ARHGEF1: variants seen among roughly 807,000 people sequenced by gnomAD.
The protein encoded by ARHGEF1 is 115 kDa guanine nucleotide exchange factor.
Under a neutral mutation model 119.7 loss-of-function variants are expected in ARHGEF1, and 40 were observed. The observed-to-expected ratio is 0.33, with a 90% CI of 0.26 to 0.44. The LOEUF (loss-of-function observed/expected upper bound fraction) is 0.44, where lower values mean the gene tolerates loss of function less well. Ranked by LOEUF, ARHGEF1 falls within the 20% of genes least tolerant of loss-of-function variation. ARHGEF1 has a pLI of 1.00. For missense variants in ARHGEF1, 976 were observed against 1,268.3 expected (o/e 0.77, Z 3.50); for synonymous variants, 494 against 521.0 (o/e 0.95, Z 0.71).
chr19:41,911,956 A>G (rs1307026257), downstream of ARHGEF1, among the ~76,000 whole-genome samples: 13 of 151,736 alleles, frequency 8.6e-5, no homozygotes, highest in African/African-American at 3.2e-4. Context: ...CCCCCAACAC[A>G]GAGGCCCAGG....
upstream of ARHGEF1, among the ~76,000 whole-genome samples, chr19:41,920,359 G>C (rs1354477529): frequency 7.8e-6 from 1 of 128,396 alleles, no homozygotes; most frequent in Non-Finnish European, 1.6e-5. Flanking sequence ...CAGACGTGAC[G>C]CACAGACATG....
rs2074655319 is a variant in ARHGEF1, at chr19:41,904,336, G to A, written c.2114G>A (p.Arg705Gln). 1.2e-6 allele frequency: 2 copies of A among 1,602,004 alleles called. No individual in the cohort carries two copies. The highest frequency in any genetic ancestry group is 8.5e-7 in the Non-Finnish European group (1 of 1,176,300). ...ACGCCCGATGGCAAGACCATGCTGC[G>A]GCCCGTGCTGCGGCTCACCTCCGCC... ...TPTPDGKTML[R>Q]PVLRLTSAMT... The change falls in exon 22 of 29, where the codon CGG becomes CAG. Residue 705 changes from arginine (R) to glutamine (Q), a missense_variant. By Grantham distance (43) the Arg-to-Gln change is conservative (BLOSUM62 1). Transcript: ENST00000354532. This position sits in a 1 kb window ranked among gnomAD's most constrained non-coding sequence, Gnocchi z 8.4.
In ARHGEF1 at chr19:41,905,805, C is replaced by G. The variant is rs1555850055; in HGVS notation, c.2382C>G (p.Gly794=). The change falls in exon 25 of 29, where the codon GGC becomes GGG. Residue 794 remains glycine (G), a synonymous_variant. Coordinates refer to ENST00000354532, the MANE Select transcript of ARHGEF1 (RefSeq NM_004706.4). This position sits in a 1 kb window ranked among gnomAD's most constrained non-coding sequence, Gnocchi z 6.4. The part of the protein sequence containing the change: ...LLSSSENGNG[G]RETSPADART... ...GCAGCTCTGAGAACGGCAATGGTGG[C>G]CGAGAGACGTCTCCAGCTGATGGTG... 1.2e-6 allele frequency: 2 copies of G among 1,614,164 alleles called. No individual in the cohort carries two copies. The highest frequency in any genetic ancestry group is 1.7e-5 in the Admixed American group (1 of 60,020).
At chr19:41,884,374 G>C (rs1555844855) in intron 1 of ARHGEF1, 1 of 1,541,914 alleles carries the variant, frequency 6.5e-7, no homozygotes, top group Non-Finnish European at 8.8e-7. Flanking sequence ...GGAGCTGGGC[G>C]CAAAGGTGGA....
At chr19:41,926,449 T>C (rs1358561677) in intron 1 of ARHGEF1, among the ~76,000 whole-genome samples, 2 of 151,822 alleles carry the variant, frequency 1.3e-5, no homozygotes, top group Admixed American at 1.3e-4. Flanking sequence ...TAGACAGGTG[T>C]GAAAGGTTAG....
chr19:41,903,277 C>G lies in ARHGEF1; in HGVS notation c.1739-30C>G, dbSNP rs2074634901. On this transcript the variant is annotated intron_variant, in intron 18 of 28. Transcript: ENST00000354532. The surrounding 1 kb of genome is among the most constrained non-coding windows in gnomAD (Gnocchi z 4.2). Reference sequence around the variant, plus strand: ...ATCTGGAGCCTCCAGGGCAGGGGTTCACCAGAGCTGCTCTCTCCCTTGCCT... The same window carrying G: ...ATCTGGAGCCTCCAGGGCAGGGGTTGACCAGAGCTGCTCTCTCCCTTGCCT... 1 of 1,603,472 alleles carries G rather than the reference C, an allele frequency of 6.2e-7. No individual in the cohort carries two copies. The highest frequency in any genetic ancestry group is 1.7e-5 in the Admixed American group (1 of 59,866).
chr19:41,906,854 C>T lies in ARHGEF1; in HGVS notation c.*17+51C>T. On this transcript the variant is annotated intron_variant, in intron 28 of 28. Transcript: ENST00000354532. The surrounding 1 kb of genome is among the most constrained non-coding windows in gnomAD (Gnocchi z 4.5). ...GCGCTGTCCTGAAAGGAGGGTCCCC[C>T]TCCAGAGCTCGCATCCCTACAGCCC... 1.4e-6 allele frequency: 2 copies of T among 1,424,100 alleles called. No individual in the cohort carries two copies. The highest frequency in any genetic ancestry group is 1.9e-6 in the Non-Finnish European group (2 of 1,047,250). The allele number at this position is 1,424,100 out of a possible 1,614,324, so 88.2% of individuals were successfully genotyped here.
rs2074614684 is a variant in ARHGEF1, at chr19:41,902,172, GAC to G, written c.1415-98_1415-97del. The G allele has an allele frequency of 2.4e-5, 37 of 1,562,294 alleles. No homozygotes were observed. The highest frequency in any genetic ancestry group is 7.0e-6 in the Non-Finnish European group (8 of 1,141,738). On this transcript the variant is annotated intron_variant, in intron 15 of 28. Coordinates refer to ENST00000354532, the MANE Select transcript of ARHGEF1 (RefSeq NM_004706.4). The surrounding 1 kb of genome is among the most constrained non-coding windows in gnomAD (Gnocchi z 6.5). ...ATACGCCATCCGGTCCCGAGGATCAGACACAGACACACCTGCAGCCCTACCCC... is the reference window on the plus strand; with the variant it reads ...ATACGCCATCCGGTCCCGAGGATCAGACAGACACACCTGCAGCCCTACCCC...
upstream of ARHGEF1, among the ~76,000 whole-genome samples, chr19:41,918,498 T>C (rs572391203): frequency 1.0e-3 from 103 of 102,060 alleles, 2 homozygotes; most frequent in African/African-American, 3.8e-3. Context: ...CACACACACA[T>C]CACACACACA....
chr19:41,896,392 T>C lies in ARHGEF1; in HGVS notation c.1031T>C (p.Leu344Pro), dbSNP rs2074487855. The C allele has an allele frequency of 1.4e-6, 2 of 1,437,102 alleles. No individual in the cohort carries two copies. The highest frequency in any genetic ancestry group is 2.8e-5 in the Admixed American group (1 of 35,154). 89.0% of individuals were successfully genotyped at this position (1,437,102 alleles called of 1,614,324 possible). ...CACCCCACAGGTGCTGACGCCCCCC[T>C]GGAGCTGGGGGACTCATCCCCGCAG... ...PDREPGADAP[L>P]ELGDSSPQGP... Residue 344 changes from leucine (L) to proline (P), a missense_variant, in exon 13 of 29, where the codon CTG becomes CCG. Leu to Pro is a moderately conservative substitution (Grantham distance 98). Transcript: ENST00000354532.
In ARHGEF1 at chr19:41,894,326, G is replaced by A. The variant is rs782660388; in HGVS notation, c.744+20G>A. On this transcript the variant is annotated intron_variant, in intron 9 of 28. Transcript: ENST00000354532. Reference sequence around the variant, plus strand: ...AAAAAGGTGCTTCCCTCAGTGCCCCGTCCTGACCCTTTCCTCTCCAGAGAC... The same window carrying A: ...AAAAAGGTGCTTCCCTCAGTGCCCCATCCTGACCCTTTCCTCTCCAGAGAC... 7.2e-6 allele frequency: 11 copies of A among 1,529,002 alleles called. No homozygotes were observed. Among genetic ancestry groups the A allele is most frequent in the African/African-American group, 4.1e-5 (3 of 72,290 alleles). 94.7% of individuals were successfully genotyped at this position (1,529,002 alleles called of 1,614,324 possible).
rs199623203 is a variant in ARHGEF1 at position 41,892,714 on chromosome 19, A to G, written c.479A>G (p.Lys160Arg). The G allele has an allele frequency of 1.2e-5, 20 of 1,613,308 alleles. 1 individual carries two copies. The African/African-American group carries it at 2.4e-4, about 19-fold the overall frequency. The change falls in exon 7 of 29, where the codon AAG (lysine) becomes AGG (arginine). Residue 160 changes from lysine (K) to arginine (R), a missense_variant. This residue lies in a region of ARHGEF1 where 519 missense variants were observed against 580.9 expected (regional missense o/e 0.89). Transcript: ENST00000354532. This position sits in a 1 kb window ranked among gnomAD's most constrained non-coding sequence, Gnocchi z 6.3. ...VGRQLEDFRS[K>R]RLMGMTPWEQ... ...CGGCAGCTGGAGGACTTCCGTTCCA[A>G]GCGGCTCATGGGCATGACGCCCTGG... is the stretch of plus-strand genomic sequence containing the variant.
Position 41,888,668 on chromosome 19 carries a change from T to C in ARHGEF1, c.112-84T>C. ...AGGAGCTAACCCTGGCTTGGATCCC[T>C]TGTGAAGTGCCAGGAATGGGTAGGG... On this transcript the variant is annotated intron_variant, in intron 3 of 28. Transcript: ENST00000354532. The surrounding 1 kb of genome is among the most constrained non-coding windows in gnomAD (Gnocchi z 5.1). 1 of 1,341,750 alleles carries C rather than the reference T, an allele frequency of 7.5e-7. No individual in the cohort carries two copies. The highest frequency in any genetic ancestry group is 1.1e-6 in the Non-Finnish European group (1 of 946,288). 83.1% of individuals were successfully genotyped at this position (1,341,750 alleles called of 1,614,324 possible). A position where few individuals can be genotyped will look rare whatever the true frequency, so the allele number is the denominator to read the frequency against.
chr19:41,929,367 T>A (rs1360396515), intron 2 of ARHGEF1, among the ~76,000 whole-genome samples: 1 of 151,646 alleles, frequency 6.6e-6, no homozygotes, highest in Non-Finnish European at 1.5e-5. Flanking sequence ...TCCCACAAGG[T>A]CACAGGCACA....
At chr19:41,919,064 A>G (rs2074821739), upstream of ARHGEF1, among the ~76,000 whole-genome samples, 1 of 151,290 alleles carries the variant, frequency 6.6e-6, no homozygotes, top group African/African-American at 2.4e-5. Context: ...CACTGCATAC[A>G]CACACCCACA....
Position 41,917,052 on chromosome 19 carries a change from T to G in ARHGEF1, c.1866-6040T>G, listed in dbSNP as rs2074805874. On this transcript the variant is annotated intron_variant, in intron 18 of 20. Coordinates refer to the ARHGEF1 transcript ENST00000599589. This position sits in a 1 kb window ranked among gnomAD's most constrained non-coding sequence, Gnocchi z 4.8. ...CACATATGTGACACGTGCCCTTGTC[T>G]CAGACCTGCTTCTGTGACTGCCTCT... Among the ~76,000 whole-genome samples the G allele has an allele frequency of 6.6e-6, 1 of 152,180 alleles. No individual in the cohort carries two copies. Among genetic ancestry groups the G allele is most frequent in the South Asian group, 2.1e-4 (1 of 4,828 alleles).
chr19:41,909,114 T>G (rs183605199), downstream of ARHGEF1: 7 of 1,231,774 alleles, frequency 5.7e-6, no homozygotes, highest in Admixed American at 1.7e-4. The surrounding 1 kb of genome is among the most constrained non-coding windows in gnomAD (Gnocchi z 5.2). Context: ...GTCTCGGAGG[T>G]GAACAGGGGT....
chr19:41,894,162 GTGTGTCTT>G (rs1293235360), intron 8 of ARHGEF1, 37 bp from the exon 9 acceptor site: 3 of 1,143,344 alleles, frequency 2.6e-6, no homozygotes, highest in Non-Finnish European at 3.7e-6. Flanking sequence ...GTGTGTGTGT[GTGTGTCTT>G]TGTGTGTGTT....
At chr19:41,896,901 CCT>C (rs2074507136) in intron 13 of ARHGEF1, 1 of 347,292 alleles carries the variant, frequency 2.9e-6, no homozygotes, top group Non-Finnish European at 5.6e-6. Context: ...TCTCACCTCC[CCT>C]CTCTTCTCTC....
Sources: allele counts gnomAD v4.1 joint callset (sites outside exome capture counted in the v4.1 genomes callset), GRCh38; gene constraint gnomAD v4.1.1; regional missense constraint gnomAD v4.1.1; non-coding constraint Gnocchi (gnomAD v3.1); transcripts MANE v1.5; gene names NCBI Gene and HGNC (gene_info 2026-07-23, HGNC 2026-07-21).